The following RALGAPB variants were observed in gnomAD, a reference collection of about 807,000 sequenced individuals.
RALGAPB encodes ral GTPase-activating protein subunit beta.
Under a neutral mutation model 161.1 loss-of-function variants are expected in RALGAPB, and 25 were observed. The ratio of observed to expected loss-of-function variants is 0.16; its 90% confidence interval spans 0.11 to 0.22. RALGAPB has a LOEUF of 0.22. RALGAPB is among the 10% of genes least tolerant of loss of function. The pLI is 1.00. For synonymous variants in RALGAPB, 629 were observed against 626.1 expected, an observed-to-expected ratio of 1.00 and a Z score of -0.07; for missense variants, 1,391 against 1,815.2, an observed-to-expected ratio of 0.77 and a Z score of 4.25.
chr20:38,519,434 T>C (rs1283332021), intron 9 of RALGAPB, among the ~76,000 whole-genome samples: 3 of 152,168 alleles, frequency 2.0e-5, no homozygotes, highest in Non-Finnish European at 4.4e-5. Flanking sequence ...AATGTAACTT[T>C]TGGGTATAGA....
At chr20:38,540,004 T>A in intron 17 of RALGAPB, 46 bp downstream of exon 17, 1 of 1,538,076 alleles carries the variant, frequency 6.5e-7, no homozygotes, top group Non-Finnish European at 8.9e-7. Context: ...CAAAAATGTA[T>A]GCTAGCAAAA....
chr20:38,525,816 G>A (rs761848812), intron 12 of RALGAPB, 79 bp from the exon 13 acceptor site: 128 of 1,424,782 alleles, frequency 9.0e-5, no homozygotes, highest in Middle Eastern at 4.6e-4. Context: ...ATACTGATCC[G>A]TTCCTCCATC....
chr20:38,547,156 TCCTCCTTTC>T (rs1483641277), intron 19 of RALGAPB: 1 of 152,254 alleles, frequency 6.6e-6, no homozygotes, highest in Admixed American at 6.5e-5. Flanking sequence ...TGCACTGTTT[TCCTCCTTTC>T]CCTCCCCCTC....
rs943618618 is a variant in RALGAPB, at chr20:38,499,451, C to T, written c.558C>T (p.Gly186=). 4.4e-6 allele frequency: 7 copies of T among 1,593,510 alleles called. No homozygotes were observed. In the African/African-American group the frequency reaches 9.5e-5, roughly 22 times the overall value. ...ILLAPPTVQG[G]IAENLAEKLI... is the part of the protein sequence containing the mutation. ...TGTTTTCTTTTTGTTGGTAAGGTGG[C>T]ATTGCTGAGAATCTAGCAGAGAAGT... is the stretch of plus-strand genomic sequence containing the variant. The change falls in exon 5 of 30, where the codon GGC becomes GGT. Residue 186 remains glycine, a synonymous_variant. Coordinates refer to ENST00000262879, the MANE Select transcript of RALGAPB (RefSeq NM_020336.4).
intron 1 of RALGAPB, among the ~76,000 whole-genome samples, chr20:38,486,814 T>C (rs2085128334): frequency 6.6e-6 from 1 of 152,206 alleles, no homozygotes; most frequent in Non-Finnish European, 1.5e-5. Flanking sequence ...CACACTTTAG[T>C]GGAATAGAGG....
At chr20:38,495,379 GTACTT>G (rs1406855264) in intron 3 of RALGAPB, among the ~76,000 whole-genome samples, 1 of 151,838 alleles carries the variant, frequency 6.6e-6, no homozygotes, top group African/African-American at 2.4e-5. Context: ...ATACTATACT[GTACTT>G]TAGAAAAACA....
chr20:38,483,740 G>T (rs1280052514), intron 1 of RALGAPB, among the ~76,000 whole-genome samples: 2 of 152,164 alleles, frequency 1.3e-5, no homozygotes, highest in Non-Finnish European at 2.9e-5. Context: ...TGAGGGTTCT[G>T]CCATGGTGCT....
At chr20:38,516,630 C>T in intron 7 of RALGAPB, 1 of 356,972 alleles carries the variant, frequency 2.8e-6, no homozygotes, top group East Asian at 5.1e-5. Flanking sequence ...TACTTTTGCA[C>T]CCACCTAATA....
intron 6 of RALGAPB, among the ~76,000 whole-genome samples, chr20:38,514,157 G>A (rs1013436521): frequency 2.0e-5 from 3 of 152,178 alleles, no homozygotes; most frequent in East Asian, 3.8e-4. Context: ...ATGAAGCAGC[G>A]AACAACCCTT....
Position 38,558,469 on chromosome 20 carries a change from T to C in RALGAPB, c.3531+16T>C, listed in dbSNP as rs2087670075. On this transcript the variant is annotated intron_variant, in intron 23 of 29. Coordinates refer to ENST00000262879, the MANE Select transcript of RALGAPB (RefSeq NM_020336.4). ...GAACCAAGAGGTAAGAGTTACGAAT[T>C]TTTTTTTTTTGGTATGTTTTTGTGC... is the stretch of plus-strand genomic sequence containing the variant. The C allele has an allele frequency of 7.0e-7, 1 of 1,429,710 alleles. No individual in the cohort carries two copies. Among genetic ancestry groups the C allele is most frequent in the South Asian group, 1.4e-5 (1 of 72,770 alleles). 88.6% of individuals were successfully genotyped at this position (1,429,710 alleles called of 1,614,324 possible).
chr20:38,569,333 TA>T (rs5841296), intron 26 of RALGAPB: 17,116 of 154,102 alleles, frequency 0.11, 2,612 homozygotes, highest in African/African-American at 0.35. Context: ...CAGTGAAACT[TA>T]AGAGTTGATT....
intron 1 of RALGAPB, among the ~76,000 whole-genome samples, chr20:38,482,878 C>T (rs139432440): frequency 5.9e-5 from 9 of 151,962 alleles, no homozygotes; most frequent in African/African-American, 1.9e-4. Flanking sequence ...TGTGTAGGCT[C>T]CTAATCTACT....
intron 13 of RALGAPB, among the ~76,000 whole-genome samples, chr20:38,526,831 T>C (rs2086486862): frequency 6.6e-6 from 1 of 152,224 alleles, no homozygotes; most frequent in Non-Finnish European, 1.5e-5. Flanking sequence ...AGAGGAGCTC[T>C]TCTTTTCTTC....
At chr20:38,497,074 A>G (rs2085448061) in intron 3 of RALGAPB, among the ~76,000 whole-genome samples, 1 of 152,226 alleles carries the variant, frequency 6.6e-6, no homozygotes, top group Non-Finnish European at 1.5e-5. Flanking sequence ...CATGTTAGAC[A>G]TAGAAAATCC....
intron 13 of RALGAPB, among the ~76,000 whole-genome samples, chr20:38,530,015 T>G (rs1160334490): frequency 6.6e-6 from 1 of 152,184 alleles, no homozygotes; most frequent in East Asian, 1.9e-4. Context: ...GTCATGACTT[T>G]TCTCTGCTTC....
intron 23 of RALGAPB, among the ~76,000 whole-genome samples, chr20:38,560,274 A>G (rs145515447): frequency 6.6e-6 from 1 of 152,306 alleles, no homozygotes; most frequent in African/African-American, 2.4e-5. Flanking sequence ...GGGTGTTAAT[A>G]GGGTCATTAA....
chr20:38,570,704 A>T, intron 27 of RALGAPB, 65 bp from the exon 28 acceptor site: 1 of 1,049,070 alleles, frequency 9.5e-7, no homozygotes, highest in Non-Finnish European at 1.5e-6. Context: ...AGAAAATTAG[A>T]TTTCCTATTA....
chr20:38,555,193 C>T (rs529330401), intron 22 of RALGAPB, among the ~76,000 whole-genome samples: 2 of 152,312 alleles, frequency 1.3e-5, no homozygotes, highest in African/African-American at 4.8e-5. Flanking sequence ...TTGGAATTTA[C>T]TCTAAGTCCT....
At chr20:38,544,360 T>TTTA (rs2087081684) in intron 18 of RALGAPB, among the ~76,000 whole-genome samples, 1 of 152,192 alleles carries the variant, frequency 6.6e-6, no homozygotes, top group African/African-American at 2.4e-5. Context: ...TTTTTTTTTT[T>TTTA]TAAATATTAC....
Sources: allele counts gnomAD v4.1 joint callset (sites outside exome capture counted in the v4.1 genomes callset), GRCh38; gene constraint gnomAD v4.1.1; transcripts MANE v1.5; gene names NCBI Gene and HGNC (gene_info 2026-07-23, HGNC 2026-07-21).